CACNA1B: variants seen among roughly 807,000 people sequenced by gnomAD.
CACNA1B encodes voltage-dependent N-type calcium channel subunit alpha-1B.
A neutral mutation model predicts 247.2 loss-of-function variants in CACNA1B; 70 were observed. The ratio of observed to expected loss-of-function variants is 0.28; its 90% CI spans 0.23 to 0.35. The LOEUF is 0.35. Among genes scored for constraint, CACNA1B ranks in the 10% least tolerant of loss-of-function variants. The pLI, the probability that CACNA1B is intolerant of heterozygous loss-of-function variation, is 1.00. For synonymous variants in CACNA1B, 1,231 were observed against 1,294.4 expected, an observed-to-expected ratio of 0.95 and a Z score of 1.05; for missense variants, 2,367 against 3,197.4, an observed-to-expected ratio of 0.74 and a Z score of 6.26.
chr9:137,961,090 T>C (rs1191658457), intron 10 of CACNA1B, among the ~76,000 whole-genome samples: 1 of 152,196 alleles, frequency 6.6e-6, no homozygotes, highest in African/African-American at 2.4e-5. Flanking sequence ...AAGTAGGGTA[T>C]TCTATTTAAT....
intron 21 of CACNA1B, among the ~76,000 whole-genome samples, chr9:138,046,081 G>A (rs143664644): frequency 1.3e-5 from 2 of 152,316 alleles, no homozygotes; most frequent in East Asian, 1.9e-4. Context: ...TGGTTACTGT[G>A]CACTCTCACG....
rs137955295 is a variant in CACNA1B at position 137,957,809 on chromosome 9, C to A, written c.1333+122C>A. 1.7e-6 allele frequency: 1 copy of A among 596,670 alleles called. No individual in the cohort carries two copies. Among genetic ancestry groups the A allele is most frequent in the African/African-American group, 1.9e-5 (1 of 52,742 alleles). 37.0% of individuals were successfully genotyped at this position (596,670 alleles called of 1,614,324 possible). A position where few individuals can be genotyped will look rare whatever the true frequency, so the allele number is the denominator to read the frequency against. On this transcript the variant is annotated intron_variant, in intron 10 of 46. Transcript: ENST00000371372. This position sits in a 1 kb window ranked among gnomAD's most constrained non-coding sequence, Gnocchi z 4.7. Reference sequence around the variant, plus strand: ...CTTCTTGCCCAAACGCCTGCAGGCTCCTTTCAGACAGTTTGCTGCTCCTGG... The same window carrying A: ...CTTCTTGCCCAAACGCCTGCAGGCTACTTTCAGACAGTTTGCTGCTCCTGG...
intron 3 of CACNA1B, among the ~76,000 whole-genome samples, chr9:137,884,968 C>CCT (rs1956987783): frequency 1.8e-5 from 2 of 111,220 alleles, no homozygotes; most frequent in South Asian, 6.1e-4. Context: ...CCCCCCCCCC[C>CCT]TCCTCCCACT....
chr9:138,046,461 C>G (rs1959186640), intron 21 of CACNA1B, among the ~76,000 whole-genome samples: 1 of 152,094 alleles, frequency 6.6e-6, no homozygotes, highest in African/African-American at 2.4e-5. Flanking sequence ...GAAATTCTTC[C>G]TCTCTGAGCA....
At chr9:138,103,216 A>G (rs894756017) in intron 38 of CACNA1B, among the ~76,000 whole-genome samples, 4 of 152,208 alleles carry the variant, frequency 2.6e-5, no homozygotes, top group Admixed American at 6.5e-5. Context: ...GTATGGATGG[A>G]GCTGTCCAGC....
intron 3 of CACNA1B, among the ~76,000 whole-genome samples, chr9:137,903,227 CA>C (rs887348841): frequency 4.0e-5 from 6 of 151,292 alleles, no homozygotes; most frequent in African/African-American, 1.2e-4. Context: ...ACTAAAAATA[CA>C]AAAAAAAATT....
At chr9:137,945,220 A>G (rs1957781329) in intron 6 of CACNA1B, among the ~76,000 whole-genome samples, 1 of 152,234 alleles carries the variant, frequency 6.6e-6, no homozygotes, top group South Asian at 2.1e-4. Flanking sequence ...TCAGGGTTCA[A>G]CTGATTCCAG....
chr9:138,043,088 TA>T (rs1470622665), intron 20 of CACNA1B, among the ~76,000 whole-genome samples: 1 of 152,138 alleles, frequency 6.6e-6, no homozygotes, highest in East Asian at 1.9e-4. Flanking sequence ...AAAATTTACC[TA>T]AAAAAACAAG....
intron 22 of CACNA1B, among the ~76,000 whole-genome samples, 172 bp downstream of exon 22, chr9:138,047,205 G>T (rs1959192575): frequency 6.6e-6 from 1 of 152,204 alleles, no homozygotes; most frequent in South Asian, 2.1e-4. Flanking sequence ...GAGACAGGAA[G>T]ACAGGGTGCG....
chr9:137,883,042 C>T, intron 3 of CACNA1B, 159 bp downstream of exon 3: 3 of 752,166 alleles, frequency 4.0e-6, no homozygotes, highest in Non-Finnish European at 6.6e-6. Flanking sequence ...CTGTTTGCCA[C>T]CCTGTGTGCT....
intron 15 of CACNA1B, among the ~76,000 whole-genome samples, chr9:138,005,057 C>G (rs1003892829): frequency 2.6e-5 from 4 of 152,218 alleles, no homozygotes; most frequent in African/African-American, 9.6e-5. Flanking sequence ...TCCAGCCACT[C>G]TGGGAAACAG....
chr9:138,112,302 A>G, intron 39 of CACNA1B, 96 bp from the exon 40 acceptor site: 2 of 822,256 alleles, frequency 2.4e-6, no homozygotes, highest in Non-Finnish European at 4.1e-6. Flanking sequence ...TACACCATTC[A>G]TCTCCCCACC....
At chr9:138,110,826 A>G (rs1961601221) in intron 39 of CACNA1B, among the ~76,000 whole-genome samples, 1 of 152,258 alleles carries the variant, frequency 6.6e-6, no homozygotes, top group African/African-American at 2.4e-5. Flanking sequence ...TATTCCTAAT[A>G]TATGAAGAAC....
chr9:138,119,843 G>A (rs1962017706), intron 44 of CACNA1B, among the ~76,000 whole-genome samples: 1 of 152,212 alleles, frequency 6.6e-6, no homozygotes, highest in African/African-American at 2.4e-5. Context: ...TCGGGAGCCA[G>A]TCCACCCCAG....
chr9:137,926,061 T>C (rs901963102), intron 6 of CACNA1B, among the ~76,000 whole-genome samples: 5 of 134,104 alleles, frequency 3.7e-5, no homozygotes, highest in African/African-American at 1.4e-4. Flanking sequence ...GCTTCCTTTT[T>C]TCCTTTCTTT....
At chr9:137,979,753 G>C (rs1958272373) in intron 12 of CACNA1B, among the ~76,000 whole-genome samples, 1 of 152,214 alleles carries the variant, frequency 6.6e-6, no homozygotes, top group African/African-American at 2.4e-5. Flanking sequence ...CCAGGTGTGG[G>C]TGAGACTCCT....
chr9:138,053,670 G>T (rs941825410), intron 25 of CACNA1B, among the ~76,000 whole-genome samples, 176 bp from the exon 26 acceptor site: 1 of 136,822 alleles, frequency 7.3e-6, no homozygotes, highest in African/African-American at 2.8e-5. Context: ...TCCCACCATG[G>T]CTCCACCCCT....
intron 22 of CACNA1B, 101 bp from the exon 23 acceptor site, chr9:138,047,298 C>T (rs1959193159): frequency 5.5e-6 from 5 of 902,366 alleles, no homozygotes; most frequent in African/African-American, 1.6e-5. Context: ...GGCTCCCTGG[C>T]TGACTGCTCA....
rs1957865140 is a variant in CACNA1B at position 137,950,378 on chromosome 9, A to G, written c.967-1896A>G. 6.6e-6 allele frequency among the ~76,000 whole-genome samples: 1 copy of G among 152,126 alleles called. No homozygotes were observed. The highest frequency in any genetic ancestry group is 1.5e-5 in the Non-Finnish European group (1 of 68,014). On this transcript the variant is annotated intron_variant, in intron 6 of 46. Coordinates refer to ENST00000371372, the MANE Select transcript of CACNA1B (RefSeq NM_000718.4). This position sits in a 1 kb window ranked among gnomAD's most constrained non-coding sequence, Gnocchi z 4.8. The stretch of plus-strand genomic sequence containing the variant: ...AGGGGGTGCCCCTACTGCCTGTGTA[A>G]ATGGAAGTCAAGGTGTCCCGTGTGG...
Sources: gnomAD v4.1 joint callset for allele counts (sites outside exome capture counted in the v4.1 genomes callset) on GRCh38, gnomAD v4.1.1 for gene constraint, Gnocchi (gnomAD v3.1) non-coding constraint, MANE v1.5 for transcripts, NCBI Gene and HGNC (gene_info 2026-07-23, HGNC 2026-07-21) for gene names.